KATNBL1: variants seen among roughly 807,000 people sequenced by gnomAD.
KATNBL1 encodes the protein KATNB1-like protein 1.
In KATNBL1, 28 loss-of-function variants were observed where a neutral mutation model predicts 44.7. The ratio of observed to expected loss-of-function variants is 0.63; its 90% CI spans 0.46 to 0.86. KATNBL1 has a LOEUF of 0.86. Among genes scored for constraint, KATNBL1 ranks in the 40% least tolerant of loss-of-function variants. The pLI is 0.00. For missense variants in KATNBL1, 272 were observed against 350.7 expected, an observed-to-expected ratio of 0.78 and a Z score of 1.79; for synonymous variants, 78 against 114.9, an observed-to-expected ratio of 0.68 and a Z score of 2.06.
At chr15:34,193,024 T>C (rs1230127534) in intron 1 of KATNBL1, among the ~76,000 whole-genome samples, 2 of 148,844 alleles carry the variant, frequency 1.3e-5, no homozygotes, top group East Asian at 4.0e-4. Flanking sequence ...GAGACCATCC[T>C]GGCTAACACA....
intron 1 of KATNBL1, among the ~76,000 whole-genome samples, chr15:34,184,539 C>G (rs1017894252): frequency 7.0e-6 from 1 of 142,282 alleles, no homozygotes; most frequent in Non-Finnish European, 1.5e-5. Context: ...TTAAACATAG[C>G]TTTTGGTATT....
At chr15:34,147,548 C>A in intron 5 of KATNBL1, 118 bp from the exon 6 acceptor site, 1 of 608,630 alleles carries the variant, frequency 1.6e-6, no homozygotes, top group South Asian at 1.8e-5. Flanking sequence ...TCAGTATCTA[C>A]AATGAGTCAT....
At position 34,163,550 on chromosome 15, in the gene KATNBL1, A is replaced by G; in HGVS notation, c.117+10T>C. ...TTGTCTTATCTGTTTTCTAGAAACC[A>G]TAGACTTACCTCCTTCATGTTCTTA... is the stretch of plus-strand genomic sequence containing the variant. On this transcript the variant is annotated intron_variant, in intron 2 of 9. Transcript: ENST00000256544. 1.3e-6 allele frequency: 2 copies of G among 1,590,484 alleles called. No individual in the cohort carries two copies. The highest frequency in any genetic ancestry group is 1.7e-6 in the Non-Finnish European group (2 of 1,174,256).
chr15:34,145,606 A>G, intron 8 of KATNBL1, 115 bp from the exon 9 acceptor site: 1 of 922,638 alleles, frequency 1.1e-6, no homozygotes, highest in Non-Finnish European at 1.4e-6. Context: ...TTTTCAGGAG[A>G]AAATGATGCT....
chr15:34,159,147 T>TTTTC (rs34148174), intron 2 of KATNBL1, among the ~76,000 whole-genome samples: 148,739 of 152,198 alleles, frequency 0.98, 72,766 homozygotes, highest in South Asian at 1. Context: ...TAAAAGTTAA[T>TTTTC]TTTTTCTTTT....
At chr15:34,173,527 C>G (rs925747575) in intron 1 of KATNBL1, among the ~76,000 whole-genome samples, 3 of 151,698 alleles carry the variant, frequency 2.0e-5, no homozygotes, top group African/African-American at 7.3e-5. Context: ...AATTTCTTCA[C>G]AGTAAGCAAT....
intron 1 of KATNBL1, among the ~76,000 whole-genome samples, chr15:34,176,378 C>CA (rs956522721): frequency 4.4e-4 from 60 of 137,714 alleles, no homozygotes; most frequent in Admixed American, 2.5e-3. Flanking sequence ...AACTTCATCT[C>CA]AAAAAAAAAA....
chr15:34,162,786 G>GT (rs1416075915), intron 2 of KATNBL1, among the ~76,000 whole-genome samples: 2 of 151,526 alleles, frequency 1.3e-5, no homozygotes, highest in East Asian at 3.9e-4. Context: ...GTTGAAAAAA[G>GT]TTTTTTTGGT....
At chr15:34,170,327 C>A (rs1053892349) in intron 1 of KATNBL1, among the ~76,000 whole-genome samples, 1 of 152,154 alleles carries the variant, frequency 6.6e-6, no homozygotes, top group Admixed American at 6.5e-5. Context: ...TGAGTGAACT[C>A]CCATTCACAA....
chr15:34,163,753 C>T (rs1020617278), intron 1 of KATNBL1, 63 bp from the exon 2 acceptor site: 2 of 889,698 alleles, frequency 2.2e-6, no homozygotes, highest in Non-Finnish European at 1.7e-6. Flanking sequence ...TTTTAACACA[C>T]ACACAAACAT....
At chr15:34,192,777 A>G (rs1889913770) in intron 1 of KATNBL1, among the ~76,000 whole-genome samples, 1 of 152,202 alleles carries the variant, frequency 6.6e-6, no homozygotes, top group Non-Finnish European at 1.5e-5. Flanking sequence ...GGAAAAAATA[A>G]TCTCTCTCCT....
chr15:34,163,647 T>G lies in KATNBL1; in HGVS notation c.30A>C (p.Lys10Asn). MASETHNVK[K>N]RNFCNKIEDH... ...CCTCAATCTTATTACAAAAGTTCCG[T>G]TTTTTAACATTGTGGGTTTCTGATG... The change falls in exon 2 of 10, where the codon AAA (lysine) becomes AAC (asparagine). Residue 10 changes from lysine to asparagine, a missense_variant. By Grantham distance (94) the Lys-to-Asn change is moderately conservative. Transcript: ENST00000256544. 2 of 1,592,428 alleles carry G rather than the reference T, an allele frequency of 1.3e-6. No homozygotes were observed. The highest frequency in any genetic ancestry group is 1.7e-6 in the Non-Finnish European group (2 of 1,171,864).
intron 1 of KATNBL1, among the ~76,000 whole-genome samples, chr15:34,170,659 G>A (rs1008746232): frequency 5.3e-5 from 8 of 152,182 alleles, no homozygotes; most frequent in Non-Finnish European, 1.0e-4. Flanking sequence ...AACAAAGCTG[G>A]AGGCATCATG....
intron 4 of KATNBL1, among the ~76,000 whole-genome samples, chr15:34,151,271 T>C (rs576277235): frequency 6.6e-6 from 1 of 152,258 alleles, no homozygotes; most frequent in South Asian, 2.1e-4. Context: ...TTTTTAATAA[T>C]AGCCATTCTA....
intron 1 of KATNBL1, among the ~76,000 whole-genome samples, chr15:34,187,491 T>C (rs1430808878): frequency 2.0e-5 from 3 of 152,168 alleles, no homozygotes; most frequent in Admixed American, 2.0e-4. Flanking sequence ...AGAGATCCCA[T>C]AACAACATGG....
At chr15:34,194,162 G>A (rs999503658) in intron 1 of KATNBL1, among the ~76,000 whole-genome samples, 10 of 152,076 alleles carry the variant, frequency 6.6e-5, no homozygotes, top group African/African-American at 2.2e-4. Flanking sequence ...GGCTGGTCTC[G>A]AACTCCTGTC....
chr15:34,179,923 A>G (rs1889469227), intron 1 of KATNBL1, among the ~76,000 whole-genome samples: 1 of 152,258 alleles, frequency 6.6e-6, no homozygotes, highest in South Asian at 2.1e-4. Flanking sequence ...ACTCCCTTAT[A>G]GTAAACAAGC....
At chr15:34,193,851 C>CAAAAAA (rs58951561) in intron 1 of KATNBL1, among the ~76,000 whole-genome samples, 3,577 of 63,368 alleles carry the variant, frequency 0.056, 672 homozygotes, top group Non-Finnish European at 0.069. Context: ...GGCCCTGTCT[C>CAAAAAA]AAAAAAAAAA....
At chr15:34,209,313 T>A (rs1192474312) in intron 1 of KATNBL1, 1 of 152,196 alleles carries the variant, frequency 6.6e-6, no homozygotes, top group Admixed American at 6.5e-5. Context: ...GACATAGGTA[T>A]CTCTGTTTTC....
Sources: gnomAD v4.1 joint callset for allele counts (sites outside exome capture counted in the v4.1 genomes callset) on GRCh38, gnomAD v4.1.1 for gene constraint, MANE v1.5 for transcripts, NCBI Gene and HGNC (gene_info 2026-07-23, HGNC 2026-07-21) for gene names.